SDAD1: variants seen among roughly 807,000 people sequenced by gnomAD.
SDAD1 encodes the protein protein SDA1 homolog.
Under a neutral mutation model 100.3 loss-of-function variants are expected in SDAD1, and 79 were observed. The observed-to-expected ratio is 0.79, with a 90% CI of 0.66 to 0.95. SDAD1 has a LOEUF of 0.95. SDAD1 is among the 40% of genes least tolerant of loss of function. The probability of loss-of-function intolerance (pLI) is 0.00; values close to 1 mark genes in which losing one functional copy is unlikely to be tolerated. For synonymous variants in SDAD1, 267 were observed against 271.4 expected, an observed-to-expected ratio of 0.98 and a Z score of 0.16; for missense variants, 790 against 810.9, an observed-to-expected ratio of 0.97 and a Z score of 0.31.
chr4:75,960,021 C>A (rs1729139204), intron 17 of SDAD1, 45 bp downstream of exon 17: 2 of 1,578,772 alleles, frequency 1.3e-6, no homozygotes, highest in East Asian at 4.5e-5. Flanking sequence ...TGCACAGATA[C>A]TGCAGGAGTG....
At chr4:75,959,958 G>T in intron 17 of SDAD1, 108 bp downstream of exon 17, 1 of 1,207,734 alleles carries the variant, frequency 8.3e-7, no homozygotes, top group Non-Finnish European at 1.1e-6. Flanking sequence ...CATAGTCATT[G>T]CTCAATAAAT....
Position 75,981,890 on chromosome 4 carries a change from T to C in SDAD1, c.195+43A>G, listed in dbSNP as rs1398760410. ...ATTAGTGAAAAAACATTCAGCAAAC[T>C]GTGTGTTAATACTGGTCTTTATTTA... On this transcript the variant is annotated intron_variant, in intron 2 of 21. Transcript: ENST00000356260. 3.9e-6 allele frequency: 5 copies of C among 1,271,662 alleles called. No homozygotes were observed. The South Asian group carries it at 5.1e-5, about 13-fold the overall frequency. 78.8% of individuals were successfully genotyped at this position (1,271,662 alleles called of 1,614,324 possible).
chr4:75,969,137 A>T (rs1284202814), intron 11 of SDAD1, among the ~76,000 whole-genome samples, 159 bp downstream of exon 11: 1 of 152,190 alleles, frequency 6.6e-6, no homozygotes, highest in Non-Finnish European at 1.5e-5. Flanking sequence ...ATGAAGTGAT[A>T]AAAATAGTTA....
chr4:75,970,243 C>T, intron 10 of SDAD1, 66 bp downstream of exon 10: 1 of 1,353,960 alleles, frequency 7.4e-7, no homozygotes. Flanking sequence ...CTGAAAACCC[C>T]AAAGGCAGGA....
intron 17 of SDAD1, 27 bp from the exon 18 acceptor site, chr4:75,957,968 T>C (rs963849792): frequency 6.4e-7 from 1 of 1,558,872 alleles, no homozygotes; most frequent in South Asian, 1.1e-5. Flanking sequence ...AACCCACTAC[T>C]GCCATTTTAT....
Position 75,979,748 on chromosome 4 carries a change from C to T in SDAD1, c.294+1624G>A, listed in dbSNP as rs9990667. The stretch of plus-strand genomic sequence containing the variant: ...GGGATTACAGGCGTGAGCCACCGCG[C>T]CTGGCGGAAATCTTTATTATTTTTT... On this transcript the variant is annotated intron_variant, in intron 3 of 21. Coordinates refer to ENST00000356260, the MANE Select transcript of SDAD1 (RefSeq NM_018115.4). Among the ~76,000 whole-genome samples, 283 of 152,128 alleles carry T rather than the reference C, an allele frequency of 1.9e-3. 3 individuals carry two copies. The highest frequency in any genetic ancestry group is 6.5e-3 in the African/African-American group (268 of 41,518).
intron 3 of SDAD1, among the ~76,000 whole-genome samples, chr4:75,978,982 GA>G (rs538009004): frequency 2.0e-3 from 75 of 38,048 alleles, no homozygotes; most frequent in East Asian, 3.4e-3. Flanking sequence ...CCCTGTCTCA[GA>G]AAAAAAAAAA....
chr4:75,972,128 G>A (rs755458633), intron 8 of SDAD1, among the ~76,000 whole-genome samples: 5 of 151,856 alleles, frequency 3.3e-5, no homozygotes, highest in East Asian at 1.9e-4. Flanking sequence ...TAGTAGAGAC[G>A]GGTTTTGCCA....
rs774899515 is a variant in SDAD1 at position 75,961,095 on chromosome 4, A to C, written c.1289T>G (p.Met430Arg). 6 of 1,614,030 alleles carry C rather than the reference A, an allele frequency of 3.7e-6. No individual in the cohort carries two copies. In the East Asian group the frequency reaches 1.3e-4, roughly 36 times the overall value. ...GAGGTGAATCAAAGTTCTAGCAGACATCATTACATCTGTAAAATAATACTT... is the reference window on the plus strand; with the variant it reads ...GAGGTGAATCAAAGTTCTAGCAGACCTCATTACATCTGTAAAATAATACTT... ...YKTHKDKNVM[M>R]SARTLIHLFR... The change falls in exon 16 of 22, where the codon ATG (methionine) becomes AGG (arginine). Residue 430 changes from methionine (M) to arginine (R), a missense_variant. By Grantham distance (91) the Met-to-Arg change is moderately conservative. Coordinates refer to ENST00000356260, the MANE Select transcript of SDAD1 (RefSeq NM_018115.4).
intron 21 of SDAD1, among the ~76,000 whole-genome samples, chr4:75,954,663 T>C (rs1728791988): frequency 6.6e-6 from 1 of 152,186 alleles, no homozygotes. Context: ...AAATACAAAA[T>C]TGCATGCAAG....
intron 4 of SDAD1, 68 bp downstream of exon 4, chr4:75,977,578 T>C: frequency 1.0e-6 from 1 of 975,848 alleles, no homozygotes; most frequent in Admixed American, 1.8e-5. Context: ...GCATCGATAA[T>C]TCAAGAGACA....
intron 8 of SDAD1, among the ~76,000 whole-genome samples, chr4:75,972,086 A>C (rs1049078549): frequency 5.9e-5 from 9 of 151,862 alleles, no homozygotes; most frequent in Non-Finnish European, 8.8e-5. Context: ...TTACAGGCAC[A>C]CGCCACCATG....
chr4:75,969,218 T>G, intron 11 of SDAD1, 78 bp downstream of exon 11: 1 of 1,063,284 alleles, frequency 9.4e-7, no homozygotes, highest in Non-Finnish European at 1.4e-6. Flanking sequence ...AAGCCACTGC[T>G]CTACCTAATG....
chr4:75,973,985 GCAGTTTATGCTGAGTGAT>G (rs1730011230), intron 7 of SDAD1, 73 bp downstream of exon 7: 9 of 1,050,712 alleles, frequency 8.6e-6, no homozygotes, highest in Non-Finnish European at 1.3e-5. Context: ...GTGCAGGCAT[GCAGTTTATGCTGAGTGAT>G]GCTTTCTTCT....
intron 14 of SDAD1, 66 bp downstream of exon 14, chr4:75,964,069 G>T: frequency 9.6e-7 from 1 of 1,038,192 alleles, no homozygotes; most frequent in Non-Finnish European, 1.5e-6. Flanking sequence ...CTTACATCTT[G>T]GTAACTTATA....
chr4:75,950,697 G>A lies in SDAD1; in HGVS notation c.*53C>T, dbSNP rs764958072. ...AACATGCTTGATTTACCAATTTTCA[G>A]AGCAAGGACACAAACTTAGCATTCT... On this transcript the variant is annotated 3_prime_UTR_variant, in exon 22 of 22. Transcript: ENST00000356260. 1 of 1,311,896 alleles carries A rather than the reference G, an allele frequency of 7.6e-7. No homozygotes were observed. The allele number at this position is 1,311,896 out of a possible 1,614,324, so 81.3% of individuals were successfully genotyped here.
chr4:75,957,315 G>A lies in SDAD1; in HGVS notation c.1854+10C>T. ...CTGTTTAAAAAACTAGGAATGATATGCTCACTCACCATTGCAGTTGCTAGT... is the reference window on the plus strand; with the variant it reads ...CTGTTTAAAAAACTAGGAATGATATACTCACTCACCATTGCAGTTGCTAGT... On this transcript the variant is annotated intron_variant, in intron 20 of 21. Coordinates refer to ENST00000356260, the MANE Select transcript of SDAD1 (RefSeq NM_018115.4). 6.2e-7 allele frequency: 1 copy of A among 1,608,250 alleles called. No individual in the cohort carries two copies. The highest frequency in any genetic ancestry group is 8.5e-7 in the Non-Finnish European group (1 of 1,176,162).
intron 1 of SDAD1, among the ~76,000 whole-genome samples, chr4:75,985,432 T>TC (rs1330015282): frequency 6.6e-6 from 1 of 152,128 alleles, no homozygotes; most frequent in African/African-American, 2.4e-5. Flanking sequence ...TCCAGAGCAC[T>TC]CATATCCCTC....
chr4:75,969,685 G>A (rs555661219), intron 10 of SDAD1, among the ~76,000 whole-genome samples: 28 of 152,260 alleles, frequency 1.8e-4, no homozygotes, highest in Middle Eastern at 3.4e-3. Context: ...CTGGTCCACC[G>A]GGGAGGCTCA....
Sources: gnomAD v4.1 joint callset for allele counts (sites outside exome capture counted in the v4.1 genomes callset) on GRCh38, gnomAD v4.1.1 for gene constraint, MANE v1.5 for transcripts, NCBI Gene and HGNC (gene_info 2026-07-23, HGNC 2026-07-21) for gene names.